NFIB: variants seen among roughly 807,000 people sequenced by gnomAD.
NFIB encodes nuclear factor I B.
Under a neutral mutation model 61.5 loss-of-function variants are expected in NFIB, and 11 were observed. The observed-to-expected ratio is 0.18, with a 90% CI of 0.11 to 0.30. The LOEUF (loss-of-function observed/expected upper bound fraction) is 0.30, where lower values mean the gene tolerates loss of function less well. Among genes scored for constraint, NFIB ranks in the 10% least tolerant of loss-of-function variants. The probability of loss-of-function intolerance (pLI) is 1.00; values close to 1 mark genes in which losing one functional copy is unlikely to be tolerated. For synonymous variants in NFIB, 260 were observed against 216.5 expected (o/e 1.20, Z -1.76); for missense variants, 471 against 608.9 (o/e 0.77, Z 2.38).
At chr9:14,463,841 T>C in the NFIB span, among the ~76,000 whole-genome samples, 1 of 151,946 alleles carries the variant, frequency 6.6e-6, no homozygotes, top group African/African-American at 2.4e-5. Context: ...TTTGTATTTT[T>C]AGTAGAGACA....
At chr9:14,445,920 C>A in the NFIB span, among the ~76,000 whole-genome samples, 4 of 152,078 alleles carry the variant, frequency 2.6e-5, no homozygotes, top group Admixed American at 2.6e-4. Context: ...TTTAGAATAG[C>A]CATTAGAGAG....
In NFIB at chr9:14,176,430, T is replaced by A. The variant is rs10961404; in HGVS notation, c.616+3297A>T. Among the ~76,000 whole-genome samples, 365 of 152,108 alleles carry A rather than the reference T, an allele frequency of 2.4e-3. 1 individual carries two copies. Among genetic ancestry groups the A allele is most frequent in the Non-Finnish European group, 3.5e-3 (241 of 67,988 alleles). On this transcript the variant is annotated intron_variant, in intron 3 of 10. Transcript: ENST00000380953. ...TATCTGAGTTGTAGAGCACCTTCAC[T>A]CCAAAAAGATTACGGTGCCCACCCC...
chr9:14,198,528 T>A (rs2048688653), intron 2 of NFIB, among the ~76,000 whole-genome samples: 1 of 152,216 alleles, frequency 6.6e-6, no homozygotes, highest in Admixed American at 6.5e-5. Context: ...TGCCGTATCA[T>A]GACAATAAAT....
At chr9:14,441,470 G>A in the NFIB span, among the ~76,000 whole-genome samples, 120 of 152,260 alleles carry the variant, frequency 7.9e-4, no homozygotes, top group East Asian at 3.9e-4. Context: ...AACCTTATGC[G>A]GTGATTTTTA....
intron 8 of NFIB, 107 bp from the exon 9 acceptor site, chr9:14,116,453 T>C (rs888488941): frequency 1.1e-4 from 127 of 1,180,808 alleles, no homozygotes; most frequent in Admixed American, 1.5e-4. Context: ...ACACTGCGCA[T>C]AGGCGCCACA....
At chr9:14,239,066 G>C (rs1337572603) in intron 2 of NFIB, among the ~76,000 whole-genome samples, 3 of 152,174 alleles carry the variant, frequency 2.0e-5, no homozygotes, top group Non-Finnish European at 1.5e-5. Flanking sequence ...ATTTGATTCT[G>C]CAAGAGCAGT....
At chr9:14,531,703 G>A in the NFIB span, among the ~76,000 whole-genome samples, 1 of 138,594 alleles carries the variant, frequency 7.2e-6, no homozygotes, top group Non-Finnish European at 1.6e-5. Flanking sequence ...AAAAAAAAAA[G>A]GGAACAAAAA....
At chr9:14,342,581 C>T (rs888734911) in intron 1 of NFIB, among the ~76,000 whole-genome samples, 12 of 152,150 alleles carry the variant, frequency 7.9e-5, no homozygotes, top group African/African-American at 2.9e-4. Flanking sequence ...CCAGACATTA[C>T]TTTTGGCTTT....
the NFIB span, among the ~76,000 whole-genome samples, chr9:14,500,389 T>C: frequency 2.0e-5 from 3 of 152,082 alleles, no homozygotes; most frequent in Non-Finnish European, 2.9e-5. Context: ...AAATTATATA[T>C]GTAAAACAAT....
the NFIB span, among the ~76,000 whole-genome samples, chr9:14,531,638 A>G: frequency 1.3e-5 from 2 of 150,558 alleles, no homozygotes; most frequent in Non-Finnish European, 2.9e-5. Context: ...ACCTCCATCT[A>G]TTTCACAGCA....
chr9:14,327,028 C>A (rs2060761963), intron 1 of NFIB, among the ~76,000 whole-genome samples: 1 of 151,992 alleles, frequency 6.6e-6, no homozygotes, highest in Non-Finnish European at 1.5e-5. Flanking sequence ...CATAAAAAAG[C>A]AAGTGTTTTC....
At chr9:14,321,845 C>A (rs2060668722) in intron 1 of NFIB, 2 of 1,221,538 alleles carry the variant, frequency 1.6e-6, no homozygotes, top group Non-Finnish European at 2.0e-6. Flanking sequence ...CTTTGCAATC[C>A]ACAAACAGGA....
At chr9:14,370,488 T>C (rs777604203) in intron 1 of NFIB, among the ~76,000 whole-genome samples, 17 of 152,222 alleles carry the variant, frequency 1.1e-4, no homozygotes, top group Middle Eastern at 3.2e-3. Flanking sequence ...GGTGGGATAA[T>C]AACAGATGTT....
intron 2 of NFIB, among the ~76,000 whole-genome samples, chr9:14,300,965 G>C (rs920698567): frequency 2.0e-5 from 3 of 152,140 alleles, no homozygotes; most frequent in African/African-American, 7.2e-5. Context: ...AAAAGTTAAT[G>C]GAGGATTACA....
At chr9:14,116,538 A>C (rs1202989815) in intron 8 of NFIB, among the ~76,000 whole-genome samples, 192 bp from the exon 9 acceptor site, 1 of 152,238 alleles carries the variant, frequency 6.6e-6, no homozygotes. Context: ...ATTTCAAAGA[A>C]GGTTTTCATC....
Position 14,087,555 on chromosome 9 carries a change from GTTTTTTTCCTTTTTTC to G in NFIB, c.*738_*753del, listed in dbSNP as rs1252111473. 4.5e-6 allele frequency: 1 copy of G among 224,080 alleles called. No homozygotes were observed. Among genetic ancestry groups the G allele is most frequent in the East Asian group, 6.4e-5 (1 of 15,632 alleles). 13.9% of individuals were successfully genotyped at this position (224,080 alleles called of 1,614,324 possible). Reference sequence around the variant, plus strand: ...TCCATAGAGCCTTTGTGTTCAAACTGTTTTTTTCCTTTTTTCTTTTTTTCCTTTTTTTTTCATTTTT... The same window carrying G: ...TCCATAGAGCCTTTGTGTTCAAACTGTTTTTTTCCTTTTTTTTTCATTTTT... On this transcript the variant is annotated 3_prime_UTR_variant, in exon 11 of 11. Transcript: ENST00000380953.
chr9:14,230,291 C>T (rs2052961563), intron 2 of NFIB, among the ~76,000 whole-genome samples: 1 of 152,200 alleles, frequency 6.6e-6, no homozygotes, highest in African/African-American at 2.4e-5. Context: ...ATCATGTCCT[C>T]ATAGAGCTTT....
chr9:14,106,913 G>A (rs1231289010), intron 10 of NFIB, among the ~76,000 whole-genome samples: 1 of 152,022 alleles, frequency 6.6e-6, no homozygotes, highest in Non-Finnish European at 1.5e-5. Flanking sequence ...AATCTCAACT[G>A]AACCAATAAA....
chr9:14,505,194 G>C, the NFIB span, among the ~76,000 whole-genome samples: 1 of 152,156 alleles, frequency 6.6e-6, no homozygotes, highest in African/African-American at 2.4e-5. Context: ...CTTGATCATG[G>C]TGGAATCTTT....
Sources: allele counts gnomAD v4.1 joint callset (sites outside exome capture counted in the v4.1 genomes callset), GRCh38; gene constraint gnomAD v4.1.1; transcripts MANE v1.5; gene names NCBI Gene and HGNC (gene_info 2026-07-23, HGNC 2026-07-21).